The following AP1S3 variants were observed in gnomAD, a reference collection of about 807,000 sequenced individuals.
AP1S3 encodes the protein AP-1 complex subunit sigma-3.
In AP1S3, 10 loss-of-function variants were observed where a neutral mutation model predicts 20.9. The observed-to-expected ratio is 0.48, with a 90% CI of 0.29 to 0.81. The LOEUF (loss-of-function observed/expected upper bound fraction) is 0.81. Ranked by LOEUF, AP1S3 falls within the 30% of genes least tolerant of loss-of-function variation. The probability of loss-of-function intolerance (pLI) is 0.08; values close to 1 mark genes in which losing one functional copy is unlikely to be tolerated. For synonymous variants in AP1S3, 41 were observed against 61.5 expected, an observed-to-expected ratio of 0.67 and a Z score of 1.56; for missense variants, 154 against 183.8, an observed-to-expected ratio of 0.84 and a Z score of 0.94.
intron 1 of AP1S3, among the ~76,000 whole-genome samples, chr2:223,833,285 A>ATACATACATAC (rs1692321138): frequency 2.7e-5 from 3 of 111,988 alleles, no homozygotes; most frequent in African/African-American, 1.2e-4. Context: ...TACATACATA[A>ATACATACATAC]ACAACATAAT....
At chr2:223,836,085 C>G (rs1043015173) in intron 1 of AP1S3, among the ~76,000 whole-genome samples, 8 of 152,194 alleles carry the variant, frequency 5.3e-5, no homozygotes, top group African/African-American at 1.7e-4. Context: ...CCAGCAACTG[C>G]GGTCTTGCTG....
At chr2:223,826,512 G>C (rs1692131964) in intron 1 of AP1S3, among the ~76,000 whole-genome samples, 1 of 152,144 alleles carries the variant, frequency 6.6e-6, no homozygotes, top group Non-Finnish European at 1.5e-5. Context: ...AGAATCGCTT[G>C]AACCCGGGAG....
intron 1 of AP1S3, among the ~76,000 whole-genome samples, chr2:223,815,405 T>C (rs2106121392): frequency 7.3e-6 from 1 of 137,692 alleles, no homozygotes; most frequent in South Asian, 2.3e-4. Flanking sequence ...TCAGGTTAAT[T>C]AATTCCAGTC....
chr2:223,822,491 C>T (rs2106126859), intron 1 of AP1S3, among the ~76,000 whole-genome samples: 1 of 152,138 alleles, frequency 6.6e-6, no homozygotes, highest in South Asian at 2.1e-4. Flanking sequence ...TTGAGACCAA[C>T]CTTACCAACA....
intron 4 of AP1S3, among the ~76,000 whole-genome samples, chr2:223,762,453 A>G (rs1415567895): frequency 6.6e-6 from 1 of 151,892 alleles, no homozygotes; most frequent in African/African-American, 2.4e-5. Flanking sequence ...TTGTATTTTT[A>G]GTAGGGATGG....
At chr2:223,761,425 C>G (rs1400149017) in intron 4 of AP1S3, among the ~76,000 whole-genome samples, 1 of 152,072 alleles carries the variant, frequency 6.6e-6, no homozygotes, top group South Asian at 2.1e-4. Context: ...ACAATCTGAC[C>G]CTCCCCTTCT....
At chr2:223,817,741 G>A (rs1691881353) in intron 1 of AP1S3, among the ~76,000 whole-genome samples, 1 of 151,956 alleles carries the variant, frequency 6.6e-6, no homozygotes, top group Admixed American at 6.6e-5. Flanking sequence ...AGACACAACA[G>A]CTATGAGCTG....
intron 3 of AP1S3, chr2:223,770,116 A>G: frequency 6.6e-7 from 1 of 1,503,886 alleles, no homozygotes; most frequent in Non-Finnish European, 8.9e-7. Context: ...GCAGTTTTAA[A>G]CAATAGAAAG....
Position 223,805,237 on chromosome 2 carries a change from G to A in AP1S3, c.4-27368C>T, listed in dbSNP as rs141591209. Among the ~76,000 whole-genome samples the A allele has an allele frequency of 1.0e-3, 152 of 152,260 alleles. 2 individuals carry two copies. The East Asian group carries it at 0.028, about 28-fold the overall frequency. ...GTGGATCACCTGAGGTCAGGAGTTT[G>A]AGAGCAGCCTGGCCAACATGATGAA... On this transcript the variant is annotated intron_variant, in intron 1 of 4. Transcript: ENST00000396654.
intron 1 of AP1S3, among the ~76,000 whole-genome samples, chr2:223,821,309 C>T (rs1034661269): frequency 3.9e-5 from 6 of 152,164 alleles, no homozygotes; most frequent in African/African-American, 1.4e-4. Flanking sequence ...GCACCCGCCA[C>T]CACACCCAGC....
At chr2:223,764,449 G>C (rs950051686) in intron 4 of AP1S3, among the ~76,000 whole-genome samples, 1 of 152,034 alleles carries the variant, frequency 6.6e-6, no homozygotes, top group Non-Finnish European at 1.5e-5. Context: ...GCTGATGTAG[G>C]TAAGTTCCCT....
At chr2:223,810,366 G>A (rs906514784) in intron 1 of AP1S3, among the ~76,000 whole-genome samples, 1 of 152,008 alleles carries the variant, frequency 6.6e-6, no homozygotes, top group Non-Finnish European at 1.5e-5. Flanking sequence ...AGGCTGGAGT[G>A]CAGTGGCACA....
chr2:223,813,845 G>A (rs562793013), intron 1 of AP1S3, among the ~76,000 whole-genome samples: 1 of 152,280 alleles, frequency 6.6e-6, no homozygotes, highest in African/African-American at 2.4e-5. Context: ...TATTTAGGCT[G>A]TCACAGAGAA....
chr2:223,756,200 G>A lies in AP1S3; in HGVS notation c.*2515C>T, dbSNP rs1343600298. 3.9e-6 allele frequency: 1 copy of A among 255,922 alleles called. No homozygotes were observed. The highest frequency in any genetic ancestry group is 2.3e-5 in the African/African-American group (1 of 43,362). 15.9% of individuals were successfully genotyped at this position (255,922 alleles called of 1,614,324 possible). On this transcript the variant is annotated 3_prime_UTR_variant, in exon 5 of 5. Transcript: ENST00000396654. ...CAAAAATACAAAATTAGCCAGGCGT[G>A]GTGGCGCATGCCTATAATCCCAGCT...
At chr2:223,773,876 T>C (rs1418455866) in intron 3 of AP1S3, among the ~76,000 whole-genome samples, 1 of 152,210 alleles carries the variant, frequency 6.6e-6, no homozygotes, top group Non-Finnish European at 1.5e-5. Context: ...AACTGTGAAA[T>C]GGATTAAATG....
chr2:223,775,331 G>A (rs1480626010), intron 3 of AP1S3, among the ~76,000 whole-genome samples: 1 of 152,130 alleles, frequency 6.6e-6, no homozygotes, highest in Non-Finnish European at 1.5e-5. Flanking sequence ...TTTTTTGTTT[G>A]TTGCTATTTT....
At chr2:223,794,546 C>T (rs1272840908) in intron 1 of AP1S3, among the ~76,000 whole-genome samples, 1 of 152,106 alleles carries the variant, frequency 6.6e-6, no homozygotes, top group Non-Finnish European at 1.5e-5. Context: ...GGCAGCTTAT[C>T]CTGACAGGTT....
At chr2:223,760,814 C>T (rs1690335171) in intron 4 of AP1S3, among the ~76,000 whole-genome samples, 1 of 152,200 alleles carries the variant, frequency 6.6e-6, no homozygotes, top group Admixed American at 6.5e-5. Context: ...AATTGCTTGA[C>T]ACTCCTCTAT....
chr2:223,811,615 A>AT (rs1210675133), intron 1 of AP1S3, among the ~76,000 whole-genome samples: 1 of 151,642 alleles, frequency 6.6e-6, no homozygotes, highest in Non-Finnish European at 1.5e-5. Flanking sequence ...CCCTTTGCCC[A>AT]TTTTTTCATC....
Sources: gnomAD v4.1 joint callset for allele counts (sites outside exome capture counted in the v4.1 genomes callset) on GRCh38, gnomAD v4.1.1 for gene constraint, MANE v1.5 for transcripts, NCBI Gene and HGNC (gene_info 2026-07-23, HGNC 2026-07-21) for gene names.